The following ADGRL3 variants were observed in gnomAD, a reference collection of about 807,000 sequenced individuals.
The protein encoded by ADGRL3 is calcium-independent alpha-latrotoxin receptor 3.
ADGRL3 carries 62 observed loss-of-function variants against 153.5 expected under a neutral mutation model. The observed-to-expected ratio is 0.40, with a 90% confidence interval of 0.33 to 0.50. The LOEUF is 0.50. Among genes scored for constraint, ADGRL3 ranks in the 20% least tolerant of loss-of-function variants. The probability of loss-of-function intolerance (pLI) is 0.47; values close to 1 mark genes in which losing one functional copy is unlikely to be tolerated. For synonymous variants in ADGRL3, 710 were observed against 672.5 expected, an observed-to-expected ratio of 1.06 and a Z score of -0.86; for missense variants, 1,641 against 1,859.4, an observed-to-expected ratio of 0.88 and a Z score of 2.16.
chr4:61,630,411 GA>G (rs1435826448), intron 5 of ADGRL3, among the ~76,000 whole-genome samples: 25 of 152,138 alleles, frequency 1.6e-4, no homozygotes, highest in African/African-American at 5.8e-4. Flanking sequence ...AATATTTTTG[GA>G]AAAATACTGT....
Position 61,733,297 on chromosome 4 carries a change from C to T in ADGRL3, c.1142C>T (p.Ala381Val). Reference protein sequence around the residue: ...TAYDKRSASNAFMICGILYVV... With the variant: ...TAYDKRSASNVFMICGILYVV... ...TATGATAAAAGGTCAGCTTCCAATG[C>T]CTTTATGATTTGTGGAATTCTGTAT... is the stretch of plus-strand genomic sequence containing the variant. Residue 381 changes from alanine (A) to valine (V), a missense_variant, in exon 8 of 27, where the codon GCC (alanine) becomes GTC (valine). Around this residue, in one of 5 missense-constraint regions of ADGRL3, gnomAD observed 213 missense variants for 362.1 expected, o/e 0.59. Coordinates refer to ENST00000683033, the MANE Select transcript of ADGRL3 (RefSeq NM_001387552.1). 1 of 1,613,644 alleles carries T rather than the reference C, an allele frequency of 6.2e-7. No individual in the cohort carries two copies. Among genetic ancestry groups the T allele is most frequent in the Non-Finnish European group, 8.5e-7 (1 of 1,179,784 alleles).
At position 61,847,527 on chromosome 4, in the gene ADGRL3, G is replaced by A. The variant is rs367845507; in HGVS notation, c.1480+33638G>A. 5.9e-5 allele frequency among the ~76,000 whole-genome samples: 8 copies of A among 135,952 alleles called. No individual in the cohort carries two copies. The East Asian group carries it at 1.0e-3, about 17-fold the overall frequency. The allele number at this position is 135,952 out of a possible 152,430, so 89.2% of individuals were successfully genotyped here. On this transcript the variant is annotated intron_variant, in intron 9 of 26. Transcript: ENST00000683033. ...GAAGAATCCTTAAACTTTTATCATA[G>A]GAGCCTGTTGTTTAGAAGTCCCAAA...
At chr4:61,272,498 A>G (rs2093246437) in intron 1 of ADGRL3, among the ~76,000 whole-genome samples, 1 of 152,092 alleles carries the variant, frequency 6.6e-6, no homozygotes, top group Non-Finnish European at 1.5e-5. Flanking sequence ...GACAGATTTT[A>G]CTTTATGAGC....
chr4:61,767,268 A>G (rs947447369), intron 8 of ADGRL3, among the ~76,000 whole-genome samples: 7 of 152,072 alleles, frequency 4.6e-5, no homozygotes, highest in East Asian at 1.9e-4. Flanking sequence ...AAAGTGTCTC[A>G]GCCTAATAAG....
intron 1 of ADGRL3, among the ~76,000 whole-genome samples, chr4:61,232,547 G>A (rs1050429553): frequency 2.6e-5 from 4 of 152,094 alleles, no homozygotes; most frequent in African/African-American, 7.2e-5. Flanking sequence ...GACCTCAAGC[G>A]ATCCACCTTC....
At chr4:61,432,541 A>G (rs1208862111) in intron 2 of ADGRL3, among the ~76,000 whole-genome samples, 1 of 146,138 alleles carries the variant, frequency 6.8e-6, no homozygotes, top group Non-Finnish European at 1.5e-5. Flanking sequence ...CTACAAAACC[A>G]ATAGCCTTTA....
At chr4:61,543,134 TC>T (rs111591124) in intron 4 of ADGRL3, among the ~76,000 whole-genome samples, 7 of 124,456 alleles carry the variant, frequency 5.6e-5, no homozygotes, top group East Asian at 5.4e-4. Context: ...GAATTATCCC[TC>T]CCCCCCACCC....
intron 1 of ADGRL3, among the ~76,000 whole-genome samples, chr4:61,317,756 T>A (rs888516383): frequency 6.6e-6 from 1 of 152,166 alleles, no homozygotes. Flanking sequence ...AGAGTCTATA[T>A]ATCATACTTC....
chr4:61,976,417 G>C (rs919695683), intron 17 of ADGRL3, among the ~76,000 whole-genome samples: 1 of 152,096 alleles, frequency 6.6e-6, no homozygotes, highest in Non-Finnish European at 1.5e-5. Flanking sequence ...TACATTCAAT[G>C]TCCACTTGAT....
chr4:61,862,323 T>A (rs1202170867), intron 9 of ADGRL3, among the ~76,000 whole-genome samples: 1 of 152,120 alleles, frequency 6.6e-6, no homozygotes, highest in East Asian at 1.9e-4. Context: ...GCACCCCAGA[T>A]GAGAACTAAG....
intron 4 of ADGRL3, among the ~76,000 whole-genome samples, chr4:61,525,711 C>T (rs760527633): frequency 5.3e-5 from 8 of 152,004 alleles, no homozygotes; most frequent in Admixed American, 2.6e-4. Context: ...ACAGATAGTA[C>T]TACTGGGCTA....
intron 17 of ADGRL3, among the ~76,000 whole-genome samples, chr4:61,975,047 G>C (rs1387348478): frequency 6.6e-6 from 1 of 152,158 alleles, no homozygotes; most frequent in Non-Finnish European, 1.5e-5. Context: ...TATTTCTCCA[G>C]GAGCTGGAGG....
chr4:61,517,001 A>G (rs1450703219), intron 3 of ADGRL3, among the ~76,000 whole-genome samples: 1 of 151,670 alleles, frequency 6.6e-6, no homozygotes, highest in African/African-American at 2.4e-5. Context: ...AATAATATTT[A>G]TATTTTTTCA....
chr4:61,378,712 A>C (rs183056646), intron 1 of ADGRL3, among the ~76,000 whole-genome samples: 1 of 152,092 alleles, frequency 6.6e-6, no homozygotes, highest in Admixed American at 6.6e-5. Context: ...ATCCTTTATA[A>C]ATTCTTGAAA....
At chr4:61,763,540 C>G (rs1404487487) in intron 8 of ADGRL3, among the ~76,000 whole-genome samples, 1 of 152,022 alleles carries the variant, frequency 6.6e-6, no homozygotes, top group Non-Finnish European at 1.5e-5. Context: ...GGCACATTTA[C>G]GAATATACTA....
intron 4 of ADGRL3, among the ~76,000 whole-genome samples, chr4:61,546,116 A>T (rs2098712811): frequency 6.6e-6 from 1 of 152,112 alleles, no homozygotes; most frequent in Non-Finnish European, 1.5e-5. Context: ...TACCCACTTG[A>T]AATTAATTCT....
rs137866307 is a variant in ADGRL3 at position 61,483,501 on chromosome 4, G to T, written c.-173-13620G>T. On this transcript the variant is annotated intron_variant, in intron 2 of 26. Coordinates refer to ENST00000683033, the MANE Select transcript of ADGRL3 (RefSeq NM_001387552.1). ...GCCTGTAAATCCAGCATTTTGGGAG[G>T]CTGAGGTGGGCAGATCACCTGAAGT... 2.1e-3 allele frequency among the ~76,000 whole-genome samples: 315 copies of T among 152,268 alleles called. 2 individuals carry two copies. The highest frequency in any genetic ancestry group is 7.5e-3 in the African/African-American group (311 of 41,554).
At chr4:61,869,321 G>A (rs1447022259) in intron 9 of ADGRL3, among the ~76,000 whole-genome samples, 3 of 152,208 alleles carry the variant, frequency 2.0e-5, no homozygotes, top group Non-Finnish European at 4.4e-5. Flanking sequence ...AAATGAGGCC[G>A]GGCGCGGTGG....
intron 11 of ADGRL3, among the ~76,000 whole-genome samples, chr4:61,901,675 T>C (rs2098665477): frequency 6.6e-6 from 1 of 152,184 alleles, no homozygotes; most frequent in Non-Finnish European, 1.5e-5. Context: ...ATAAATTGTT[T>C]TGGCCCTTGA....
Sources: gnomAD v4.1 joint callset for allele counts (sites outside exome capture counted in the v4.1 genomes callset) on GRCh38, gnomAD v4.1.1 for gene constraint, gnomAD v4.1.1 regional missense constraint, MANE v1.5 for transcripts, NCBI Gene and HGNC (gene_info 2026-07-23, HGNC 2026-07-21) for gene names.